Variants in ZNF217 observed in about 807,000 individuals in gnomAD.
ZNF217 encodes zinc finger protein 217.
A neutral mutation model predicts 73.3 loss-of-function variants in ZNF217; 12 were observed. The observed-to-expected ratio is 0.16, with a 90% CI of 0.10 to 0.27. ZNF217 has a LOEUF of 0.27. ZNF217 is among the 10% of genes least tolerant of loss of function. The pLI is 1.00. For synonymous variants in ZNF217, 588 were observed against 516.4 expected (o/e 1.14, Z -1.88); for missense variants, 1,195 against 1,327.8 (o/e 0.90, Z 1.55).
At position 53,576,091 on chromosome 20, in the gene ZNF217, C is replaced by G. The variant is rs148869536; in HGVS notation, c.2673G>C (p.Pro891=). 5.0e-6 allele frequency: 8 copies of G among 1,614,196 alleles called. No individual in the cohort carries two copies. In the South Asian group the frequency reaches 8.8e-5, roughly 18 times the overall value. Residue 891 remains proline (P), a synonymous_variant, in exon 4 of 6, where the codon CCG becomes CCC. Coordinates refer to ENST00000371471, the MANE Select transcript of ZNF217 (RefSeq NM_006526.3). The part of the protein sequence containing the change: ...SIDYPAKNDS[P]WAPPGRDYFC... ...AATAGTCTCTTCCCGGAGGTGCCCACGGGCTGTCGTTCTTGGCGGGGTAGT... is the reference window on the plus strand; with the variant it reads ...AATAGTCTCTTCCCGGAGGTGCCCAGGGGCTGTCGTTCTTGGCGGGGTAGT...
intron 2 of ZNF217, among the ~76,000 whole-genome samples, chr20:53,580,822 A>G (rs1352433313): frequency 6.6e-6 from 1 of 151,320 alleles, no homozygotes; most frequent in African/African-American, 2.4e-5. Flanking sequence ...TGCCCAAATA[A>G]TATTCCTGGC....
chr20:53,587,374 TAA>T (rs1988732241), intron 1 of ZNF217, among the ~76,000 whole-genome samples: 1 of 152,180 alleles, frequency 6.6e-6, no homozygotes, highest in Non-Finnish European at 1.5e-5. Flanking sequence ...AATCTGTGCT[TAA>T]GTACAACTAA....
In ZNF217 at chr20:53,582,124, G is replaced by A. The variant is rs781053492; in HGVS notation, c.703C>T (p.Arg235Cys). Residue 235 changes from arginine (R) to cysteine (C), a missense_variant, in exon 2 of 6, where the codon CGC (arginine) becomes TGC (cysteine). Arg to Cys is a radical substitution (Grantham distance 180). Coordinates refer to ENST00000371471, the MANE Select transcript of ZNF217 (RefSeq NM_006526.3). This position sits in a 1 kb window ranked among gnomAD's most constrained non-coding sequence, Gnocchi z 4.8. Reference sequence around the variant, plus strand: ...GCAGTTTTTTTGGTGTGCACCTTGCGGTGCTCAATTAGACTTTCTTTATTT... The same window carrying A: ...GCAGTTTTTTTGGTGTGCACCTTGCAGTGCTCAATTAGACTTTCTTTATTT... ...FPNKESLIEHRKVHTKKTAFG... is the reference protein window; with the variant it reads ...FPNKESLIEHCKVHTKKTAFG... 24 of 1,614,166 alleles carry A rather than the reference G, an allele frequency of 1.5e-5. No individual in the cohort carries two copies. Among genetic ancestry groups the A allele is most frequent in the Admixed American group, 5.0e-5 (3 of 60,018 alleles).
intron 2 of ZNF217, 111 bp from the exon 3 acceptor site, chr20:53,578,561 T>C: frequency 1.5e-6 from 1 of 666,532 alleles, no homozygotes; most frequent in Non-Finnish European, 2.5e-6. Context: ...ATGAAAAAAT[T>C]CTTTTATATA....
Position 53,567,075 on chromosome 20 carries a change from A to G in ZNF217, c.*2213T>C, listed in dbSNP as rs1187947321. On this transcript the variant is annotated 3_prime_UTR_variant, in exon 6 of 6. Transcript: ENST00000371471. Reference sequence around the variant, plus strand: ...AATAAACACTAAAACTCAAGATTGCAAAACACCAAATCTATATTTACACTT... The same window carrying G: ...AATAAACACTAAAACTCAAGATTGCGAAACACCAAATCTATATTTACACTT... 2.0e-5 allele frequency: 3 copies of G among 151,448 alleles called. No homozygotes were observed. The highest frequency in any genetic ancestry group is 1.9e-4 in the East Asian group (1 of 5,192). The allele number at this position is 151,448 out of a possible 1,614,324, so 9.4% of individuals were successfully genotyped here. A position where few individuals can be genotyped will look rare whatever the true frequency, so the allele number is the denominator to read the frequency against.
rs569443658 is a variant in ZNF217 at position 53,579,166 on chromosome 20, T to C, written c.1367-716A>G. 2.2e-4 allele frequency among the ~76,000 whole-genome samples: 34 copies of C among 152,348 alleles called. No individual in the cohort carries two copies. The South Asian group carries it at 6.6e-3, about 30-fold the overall frequency. ...GGACAATAGGACAATGTGTCTCACG[T>C]GCATCAGGAGAAGTTAGAGTCCACT... On this transcript the variant is annotated intron_variant, in intron 2 of 5. Coordinates refer to ENST00000371471, the MANE Select transcript of ZNF217 (RefSeq NM_006526.3).
intron 1 of ZNF217, among the ~76,000 whole-genome samples, chr20:53,590,639 C>T (rs972607344): frequency 6.6e-6 from 1 of 152,072 alleles, no homozygotes; most frequent in African/African-American, 2.4e-5. Context: ...AACAGCACAT[C>T]TTTTGGGACC....
rs181819496 is a variant in ZNF217 at position 53,590,705 on chromosome 20, G to A, written c.-343+3051C>T. 1.8e-4 allele frequency among the ~76,000 whole-genome samples: 27 copies of A among 152,260 alleles called. No individual in the cohort carries two copies. The South Asian group carries it at 3.7e-3, about 21-fold the overall frequency. Reference sequence around the variant, plus strand: ...AAGAGTGCTCCAGGGTTGGGAAATGGCTACCCTGCTGTGGCAAAAACATGC... The same window carrying A: ...AAGAGTGCTCCAGGGTTGGGAAATGACTACCCTGCTGTGGCAAAAACATGC... On this transcript the variant is annotated intron_variant, in intron 1 of 5. Transcript: ENST00000371471.
rs1164600559 is a variant in ZNF217, at chr20:53,568,381, G to T, written c.*907C>A. 1 of 151,920 alleles carries T rather than the reference G, an allele frequency of 6.6e-6. No homozygotes were observed. Among genetic ancestry groups the T allele is most frequent in the African/African-American group, 2.4e-5 (1 of 41,316 alleles). The allele number at this position is 151,920 out of a possible 1,614,324, so 9.4% of individuals were successfully genotyped here. A position where few individuals can be genotyped will look rare whatever the true frequency, so the allele number is the denominator to read the frequency against. On this transcript the variant is annotated 3_prime_UTR_variant, in exon 6 of 6. Transcript: ENST00000371471. Reference sequence around the variant, plus strand: ...GGCAAAACCCCCCCGCCACTGAATCGTCCAACAAAAATGATTAATTTGACA... The same window carrying T: ...GGCAAAACCCCCCCGCCACTGAATCTTCCAACAAAAATGATTAATTTGACA...
intron 3 of ZNF217, 124 bp from the exon 4 acceptor site, chr20:53,577,404 G>C (rs923364390): frequency 1.2e-6 from 1 of 836,350 alleles, no homozygotes; most frequent in African/African-American, 1.7e-5. Context: ...CTATCACATA[G>C]GATTTCTCAT....
rs573303116 is a variant in ZNF217, at chr20:53,571,977, C to A, written c.3038-124G>T. ...TAATGTAATCAACGCCTAAGTCACA[C>A]AGTCGCATGCAAGTGTTTTCAGTTA... On this transcript the variant is annotated intron_variant, in intron 4 of 5. Coordinates refer to ENST00000371471, the MANE Select transcript of ZNF217 (RefSeq NM_006526.3). 5 of 921,684 alleles carry A rather than the reference C, an allele frequency of 5.4e-6. No homozygotes were observed. In the Admixed American group the frequency reaches 1.6e-4, roughly 29 times the overall value. 57.1% of individuals were successfully genotyped at this position (921,684 alleles called of 1,614,324 possible).
rs1269899936 is a variant in ZNF217, at chr20:53,576,939, C to T, written c.1825G>A (p.Asp609Asn). The T allele has an allele frequency of 3.1e-6, 5 of 1,614,188 alleles. No individual in the cohort carries two copies. The highest frequency in any genetic ancestry group is 4.2e-6 in the Non-Finnish European group (5 of 1,180,052). ...TTTTTATTCACTTTATCAGCACTGTCATCAGCTGCATTTTTATGGAAATCC... is the reference window on the plus strand; with the variant it reads ...TTTTTATTCACTTTATCAGCACTGTTATCAGCTGCATTTTTATGGAAATCC... Reference protein sequence around the residue: ...TQDFHKNAADDSADKVNKNPT... With the variant: ...TQDFHKNAADNSADKVNKNPT... The change falls in exon 4 of 6, where the codon GAC becomes AAC. Residue 609 changes from aspartate (D) to asparagine (N), a missense_variant. Around this residue, in one of 9 missense-constraint regions of ZNF217, gnomAD observed 649 missense variants for 642.8 expected, o/e 1.01. Transcript: ENST00000371471.
Position 53,569,225 on chromosome 20 carries a change from T to G in ZNF217, c.*63A>C, listed in dbSNP as rs1478722910. 7.4e-7 allele frequency: 1 copy of G among 1,351,224 alleles called. No individual in the cohort carries two copies. The highest frequency in any genetic ancestry group is 1.2e-5 in the South Asian group (1 of 84,896). 83.7% of individuals were successfully genotyped at this position (1,351,224 alleles called of 1,614,324 possible). On this transcript the variant is annotated 3_prime_UTR_variant, in exon 6 of 6. Transcript: ENST00000371471. Reference sequence around the variant, plus strand: ...TCGCTTCTCAAAGGATGAAGTAAAATTTAATTTCATGGGGAGTAAGCACTG... The same window carrying G: ...TCGCTTCTCAAAGGATGAAGTAAAAGTTAATTTCATGGGGAGTAAGCACTG...
chr20:53,575,882 T>A lies in ZNF217; in HGVS notation c.2882A>T (p.Tyr961Phe), dbSNP rs572616903. The change falls in exon 4 of 6, where the codon TAT becomes TTT. Residue 961 changes from tyrosine (Y) to phenylalanine (F), a missense_variant. This residue lies in a region of ZNF217 where 649 missense variants were observed against 642.8 expected (regional missense o/e 1.01). Coordinates refer to ENST00000371471, the MANE Select transcript of ZNF217 (RefSeq NM_006526.3). Reference sequence around the variant, plus strand: ...TTTGGGAGGCAGCGCCTGCGACGGATACACACAGTCCTGCGGTAACAGTGA... The same window carrying A: ...TTTGGGAGGCAGCGCCTGCGACGGAAACACACAGTCCTGCGGTAACAGTGA... ...ITSLLPQDCV[Y>F]PSQALPPKPR... 6.2e-7 allele frequency: 1 copy of A among 1,614,216 alleles called. No individual in the cohort carries two copies. Among genetic ancestry groups the A allele is most frequent in the East Asian group, 2.2e-5 (1 of 44,880 alleles).
chr20:53,585,814 G>C (rs1721003621), intron 1 of ZNF217, among the ~76,000 whole-genome samples: 1 of 152,120 alleles, frequency 6.6e-6, no homozygotes, highest in Non-Finnish European at 1.5e-5. Flanking sequence ...GGGAGACCTG[G>C]AGATGAGGGC....
chr20:53,580,439 A>G (rs1259982224), intron 2 of ZNF217, among the ~76,000 whole-genome samples: 1 of 152,192 alleles, frequency 6.6e-6, no homozygotes, highest in Non-Finnish European at 1.5e-5. Flanking sequence ...CGGCCTGCCC[A>G]TCAGGGTCTT....
At position 53,571,828 on chromosome 20, in the gene ZNF217, G is replaced by A. The variant is rs775540080; in HGVS notation, c.3063C>T (p.His1021=). The change falls in exon 5 of 6, where the codon CAC becomes CAT. Residue 1021 remains histidine, a synonymous_variant. Coordinates refer to ENST00000371471, the MANE Select transcript of ZNF217 (RefSeq NM_006526.3). ...TCTTTTGTGCCATGCTGTTAGATAA[G>A]TGTTGATATGACACAGGCCTTTTTC... is the stretch of plus-strand genomic sequence containing the variant. ...LEGKRPVSYQ[H]LSNSMAQKRN... 9.3e-6 allele frequency: 15 copies of A among 1,610,892 alleles called. No homozygotes were observed. The highest frequency in any genetic ancestry group is 1.7e-4 in the Middle Eastern group (1 of 6,060).
Position 53,581,572 on chromosome 20 carries a change from T to C in ZNF217, c.1255A>G (p.Thr419Ala). 1 of 1,614,152 alleles carries C rather than the reference T, an allele frequency of 6.2e-7. No homozygotes were observed. The highest frequency in any genetic ancestry group is 8.5e-7 in the Non-Finnish European group (1 of 1,180,010). ...GGGGCGGCGAGGTCAGGAGAACACG[T>C]CCCCGGCTGCCTCCCGTCCACAGAC... ...TMSVDGRQPG[T>A]CSPDLAAPLD... Residue 419 changes from threonine to alanine, a missense_variant, in exon 2 of 6, where the codon ACG becomes GCG. Coordinates refer to ENST00000371471, the MANE Select transcript of ZNF217 (RefSeq NM_006526.3). This position sits in a 1 kb window ranked among gnomAD's most constrained non-coding sequence, Gnocchi z 4.9.
In ZNF217 at chr20:53,571,574, T is replaced by C. The variant is rs1027650660; in HGVS notation, c.*23+147A>G. On this transcript the variant is annotated intron_variant, in intron 5 of 5. Transcript: ENST00000371471. ...CACCCGCCACCACGCCCAGCTAAAT[T>C]TGTGTATTTTTAGTACAGACAGGGG... 48 of 1,040,204 alleles carry C rather than the reference T, an allele frequency of 4.6e-5. No individual in the cohort carries two copies. The Admixed American group carries it at 1.1e-3, about 24-fold the overall frequency. The allele number at this position is 1,040,204 out of a possible 1,614,324, so 64.4% of individuals were successfully genotyped here.
Sources: allele counts gnomAD v4.1 joint callset (sites outside exome capture counted in the v4.1 genomes callset), GRCh38; gene constraint gnomAD v4.1.1; regional missense constraint gnomAD v4.1.1; non-coding constraint Gnocchi (gnomAD v3.1); transcripts MANE v1.5; gene names NCBI Gene and HGNC (gene_info 2026-07-23, HGNC 2026-07-21).